The following COL21A1 variants were observed in gnomAD, a reference collection of about 807,000 sequenced individuals.
COL21A1 encodes the protein collagen type XXI alpha 1 chain, also known as collagen alpha-1(XXI) chain.
COL21A1 carries 149 observed loss-of-function variants against 137.9 expected under a neutral mutation model. That is an observed-to-expected ratio of 1.08 (90% CI 0.95 to 1.24). The LOEUF (loss-of-function observed/expected upper bound fraction) is 1.24. COL21A1 is among the 50% of genes most tolerant of loss of function. COL21A1 has a pLI of 0.00. For missense variants in COL21A1, 1,167 were observed against 1,158.4 expected, an observed-to-expected ratio of 1.01 and a Z score of -0.11; for synonymous variants, 456 against 391.5, an observed-to-expected ratio of 1.16 and a Z score of -1.95.
At chr6:56,142,198 T>C (rs73461356) in intron 10 of COL21A1, among the ~76,000 whole-genome samples, 2,636 of 152,104 alleles carry the variant, frequency 0.017, 72 homozygotes, top group African/African-American at 0.061. Flanking sequence ...CCCTAAATAT[T>C]TGTAAATTAA....
intron 10 of COL21A1, among the ~76,000 whole-genome samples, chr6:56,155,413 A>C (rs1775668293): frequency 1.3e-5 from 2 of 152,082 alleles, no homozygotes; most frequent in Non-Finnish European, 2.9e-5. Context: ...CAACTCTTTC[A>C]TCCTCATGGT....
At chr6:56,064,314 A>G (rs534279964) in intron 24 of COL21A1, among the ~76,000 whole-genome samples, 2 of 152,162 alleles carry the variant, frequency 1.3e-5, no homozygotes, top group South Asian at 4.1e-4. Context: ...GGAATTTTCT[A>G]CCTGCAGTCA....
rs1022700685 is a variant in COL21A1 at position 56,164,992 on chromosome 6, A to G, written c.1279-170T>C. 3.9e-5 allele frequency among the ~76,000 whole-genome samples: 6 copies of G among 151,996 alleles called. No homozygotes were observed. In the East Asian group the frequency reaches 9.7e-4, roughly 25 times the overall value. On this transcript the variant is annotated intron_variant, in intron 7 of 29. Transcript: ENST00000244728. The stretch of plus-strand genomic sequence containing the variant: ...ATCCTAAAAAGTCACCTATCTATAC[A>G]TGTTACTACTCCATTCATATAGGAG...
At chr6:56,361,626 C>A (rs1433346618) in intron 1 of COL21A1, among the ~76,000 whole-genome samples, 1 of 151,672 alleles carries the variant, frequency 6.6e-6, no homozygotes, top group Non-Finnish European at 1.5e-5. Context: ...ATAATGGCAC[C>A]AAAATGGTAA....
chr6:56,252,941 A>G (rs1782886042), intron 1 of COL21A1, among the ~76,000 whole-genome samples: 1 of 152,230 alleles, frequency 6.6e-6, no homozygotes, highest in African/African-American at 2.4e-5. Flanking sequence ...TCCTTGGATT[A>G]TAAACACCTC....
intron 1 of COL21A1, among the ~76,000 whole-genome samples, chr6:56,322,284 A>G (rs1175072077): frequency 6.6e-6 from 1 of 152,118 alleles, no homozygotes; most frequent in Non-Finnish European, 1.5e-5. Context: ...GCCCAACTAC[A>G]TGTCTCACAA....
chr6:56,309,473 A>C (rs940501801), intron 1 of COL21A1, among the ~76,000 whole-genome samples: 4 of 152,146 alleles, frequency 2.6e-5, no homozygotes, highest in African/African-American at 9.7e-5. Flanking sequence ...TAGGTCCAAC[A>C]TTTTTCAGAC....
rs781677963 is a variant in COL21A1, at chr6:56,170,800, T to G, written c.875A>C (p.Lys292Thr). The change falls in exon 5 of 30, where the codon AAG (lysine) becomes ACG (threonine). Residue 292 changes from lysine to threonine, a missense_variant. Transcript: ENST00000244728. Reference sequence around the variant, plus strand: ...TATTCTCCATAAATCCCAAATTTTCTTGACTTTAAATCTTTGAGTAGACAC... The same window carrying G: ...TATTCTCCATAAATCCCAAATTTTCGTGACTTTAAATCTTTGAGTAGACAC... The part of the protein sequence containing the change: ...VFVSTQRFKV[K>T]KIWDLWRILT... 1 of 1,610,696 alleles carries G rather than the reference T, an allele frequency of 6.2e-7. No homozygotes were observed. Among genetic ancestry groups the G allele is most frequent in the South Asian group, 1.1e-5 (1 of 90,784 alleles).
chr6:56,271,664 G>C (rs1763528251), intron 1 of COL21A1, among the ~76,000 whole-genome samples: 1 of 152,220 alleles, frequency 6.6e-6, no homozygotes, highest in Non-Finnish European at 1.5e-5. Flanking sequence ...GACCTTCACA[G>C]CAGCCCCTCC....
intron 1 of COL21A1, among the ~76,000 whole-genome samples, chr6:56,345,791 CAA>C (rs1296433315): frequency 6.6e-6 from 1 of 152,286 alleles, no homozygotes; most frequent in East Asian, 1.9e-4. Context: ...TAAAAATTTC[CAA>C]GAGAGAATGA....
intron 1 of COL21A1, among the ~76,000 whole-genome samples, chr6:56,282,128 G>C (rs912493001): frequency 6.6e-6 from 1 of 152,038 alleles, no homozygotes; most frequent in Non-Finnish European, 1.5e-5. Flanking sequence ...TATTGGTTGG[G>C]GTCATACACA....
At chr6:56,211,309 A>G (rs1780164148) in intron 1 of COL21A1, among the ~76,000 whole-genome samples, 1 of 151,184 alleles carries the variant, frequency 6.6e-6, no homozygotes, top group Non-Finnish European at 1.5e-5. Context: ...TCACCAAGGA[A>G]TTTGTATTCT....
chr6:56,153,094 G>T (rs1582498012), intron 10 of COL21A1, among the ~76,000 whole-genome samples: 1 of 152,214 alleles, frequency 6.6e-6, no homozygotes, highest in Non-Finnish European at 1.5e-5. Flanking sequence ...GAAAGGAATG[G>T]GTTATAAGGG....
chr6:56,139,150 A>T (rs1210514259), intron 12 of COL21A1, among the ~76,000 whole-genome samples: 1 of 152,152 alleles, frequency 6.6e-6, no homozygotes, highest in Non-Finnish European at 1.5e-5. Flanking sequence ...GAGAGGAAGG[A>T]TAAAGGATCA....
chr6:56,098,733 T>C (rs531920634), intron 17 of COL21A1, among the ~76,000 whole-genome samples: 1 of 87,844 alleles, frequency 1.1e-5, no homozygotes, highest in Admixed American at 1.5e-4. Context: ...ATATATATTT[T>C]GAGACGGGGT....
In COL21A1 at chr6:56,180,141, AG is replaced by A; in HGVS notation, c.89-13del. The stretch of plus-strand genomic sequence containing the variant: ...AGCAGTACGACAACCTAAGTGCAAA[AG>A]AAAACCATCATAGCACATCTTTTAT... On this transcript the variant is annotated splice_polypyrimidine_tract_variant and intron_variant, in intron 2 of 29. Coordinates refer to ENST00000244728, the MANE Select transcript of COL21A1 (RefSeq NM_030820.4). The A allele has an allele frequency of 6.3e-7, 1 of 1,587,616 alleles. No individual in the cohort carries two copies. The highest frequency in any genetic ancestry group is 2.2e-5 in the East Asian group (1 of 44,724).
chr6:56,058,719 T>A (rs1414388155), intron 29 of COL21A1, among the ~76,000 whole-genome samples: 2 of 152,192 alleles, frequency 1.3e-5, no homozygotes, highest in Non-Finnish European at 2.9e-5. Context: ...ATATAGAAAG[T>A]ATTTAATCTC....
At chr6:56,151,667 T>G (rs950088881) in intron 10 of COL21A1, among the ~76,000 whole-genome samples, 2 of 152,204 alleles carry the variant, frequency 1.3e-5, no homozygotes, top group African/African-American at 4.8e-5. Context: ...GTGAAAGAGA[T>G]TCAAATAGCT....
intron 22 of COL21A1, among the ~76,000 whole-genome samples, chr6:56,067,864 C>T (rs566457729): frequency 6.6e-6 from 1 of 151,704 alleles, no homozygotes; most frequent in South Asian, 2.1e-4. Context: ...TAGAAACCAA[C>T]TTATACAATG....
Sources: gnomAD v4.1 joint callset for allele counts (sites outside exome capture counted in the v4.1 genomes callset) on GRCh38, gnomAD v4.1.1 for gene constraint, MANE v1.5 for transcripts, NCBI Gene and HGNC (gene_info 2026-07-23, HGNC 2026-07-21) for gene names.